Variants in OR1F1 observed in about 807,000 individuals in gnomAD.
The protein encoded by OR1F1 is olfactory receptor 1F1.
For missense variants in OR1F1, 493 were observed against 376.3 expected (o/e 1.31, Z -2.57); for synonymous variants, 184 against 156.7 (o/e 1.17, Z -1.30).
At chr16:3,204,658 C>T (rs767000267) in exon 1 of OR1F1, 2 of 1,614,154 alleles carry the variant, frequency 1.2e-6, no homozygotes, top group Non-Finnish European at 1.7e-6. Context: ...AAAGATGACC[C>T]ATCAGCTCTG....
chr16:3,196,185 T>A, the OR1F1 span, among the ~76,000 whole-genome samples: 16 of 152,316 alleles, frequency 1.1e-4, no homozygotes, highest in African/African-American at 3.6e-4. Flanking sequence ...AGCACAAGAC[T>A]CTTAATCTCA....
the OR1F1 span, among the ~76,000 whole-genome samples, chr16:3,192,246 TG>T: frequency 6.6e-6 from 1 of 152,092 alleles, no homozygotes; most frequent in Admixed American, 6.5e-5. Flanking sequence ...TTAGTAGAGA[TG>T]GGGTTTCACC....
At chr16:3,198,157 G>T in the OR1F1 span, among the ~76,000 whole-genome samples, 3,858 of 146,310 alleles carry the variant, frequency 0.026, 115 homozygotes, top group East Asian at 0.12. Context: ...GGGAGAGAGA[G>T]GGAGAGAGAG....
At chr16:3,196,343 A>G in the OR1F1 span, among the ~76,000 whole-genome samples, 1 of 152,200 alleles carries the variant, frequency 6.6e-6, no homozygotes, top group Admixed American at 6.5e-5. Context: ...AGCAAGACTT[A>G]GGAGATGCTA....
the OR1F1 span, among the ~76,000 whole-genome samples, chr16:3,191,979 C>T: frequency 4.5e-3 from 678 of 152,298 alleles, 4 homozygotes; most frequent in Non-Finnish European, 7.0e-3. Flanking sequence ...AGTAAAGGGC[C>T]TGCTGCTGTG....
chr16:3,203,185 G>A (rs1475249389), upstream of OR1F1, among the ~76,000 whole-genome samples: 1 of 152,226 alleles, frequency 6.6e-6, no homozygotes, highest in Non-Finnish European at 1.5e-5. Context: ...CCAAGGAGGG[G>A]AAGGGACAAT....
At chr16:3,190,006 G>T in the OR1F1 span, among the ~76,000 whole-genome samples, 8 of 152,154 alleles carry the variant, frequency 5.3e-5, no homozygotes, top group Non-Finnish European at 1.2e-4. Context: ...AGGCACCGAA[G>T]AAGAGACAAG....
the OR1F1 span, among the ~76,000 whole-genome samples, chr16:3,196,636 C>T: frequency 4.6e-5 from 7 of 151,398 alleles, no homozygotes; most frequent in African/African-American, 9.7e-5. Flanking sequence ...GATCCCCCTG[C>T]GTTGGCCTCC....
chr16:3,199,234 T>C, the OR1F1 span, among the ~76,000 whole-genome samples: 2 of 150,602 alleles, frequency 1.3e-5, no homozygotes, highest in African/African-American at 4.9e-5. Flanking sequence ...GCCTGGAAGG[T>C]TGAGACTTCA....
In OR1F1 at chr16:3,204,293, G is replaced by C. The variant is rs142486394; in HGVS notation, c.47G>C (p.Gly16Ala). ...AGTGTCTCCGAGTTCCTCCTCCTGGGACTCTCCAGGCAGCCCCAGCAGCAG... is the reference window on the plus strand; with the variant it reads ...AGTGTCTCCGAGTTCCTCCTCCTGGCACTCTCCAGGCAGCCCCAGCAGCAG... The change falls in exon 1 of 1, where the codon GGA (glycine) becomes GCA (alanine). Residue 16 changes from glycine to alanine, a missense_variant. Coordinates refer to ENST00000304646, the Ensembl canonical transcript of OR1F1. The C allele has an allele frequency of 5.9e-4, 944 of 1,613,620 alleles. 14 individuals are homozygous for C. In the South Asian group the frequency reaches 9.8e-3, roughly 17 times the overall value.
At chr16:3,202,676 A>G (rs1388504143), upstream of OR1F1, among the ~76,000 whole-genome samples, 1 of 126,712 alleles carries the variant, frequency 7.9e-6, no homozygotes, top group East Asian at 2.0e-4. Context: ...TAATAATAAT[A>G]ATAATAATAA....
chr16:3,193,265 C>T, the OR1F1 span, among the ~76,000 whole-genome samples: 1 of 152,324 alleles, frequency 6.6e-6, no homozygotes, highest in East Asian at 1.9e-4. Flanking sequence ...CCCAGGAGGA[C>T]CTGACCTTTA....
chr16:3,202,368 A>G (rs773373787), upstream of OR1F1, among the ~76,000 whole-genome samples: 8 of 152,154 alleles, frequency 5.3e-5, no homozygotes, highest in Non-Finnish European at 1.2e-4. Flanking sequence ...GGCCTGAAAC[A>G]CAAAGGCTTT....
At chr16:3,201,515 C>T (rs765749662), upstream of OR1F1, among the ~76,000 whole-genome samples, 31 of 152,160 alleles carry the variant, frequency 2.0e-4, no homozygotes, top group Non-Finnish European at 3.5e-4. Flanking sequence ...TTGCCAAATA[C>T]GTGGAGGAAA....
At chr16:3,203,133 A>G (rs224176), upstream of OR1F1, among the ~76,000 whole-genome samples, 10,091 of 152,260 alleles carry the variant, frequency 0.066, 457 homozygotes, top group Non-Finnish European at 0.096. Context: ...GGCAGGAATT[A>G]TGTATGACAA....
the OR1F1 span, among the ~76,000 whole-genome samples, chr16:3,188,813 G>C: frequency 6.6e-6 from 1 of 152,364 alleles, no homozygotes; most frequent in South Asian, 2.1e-4. Context: ...CCCCGGAACC[G>C]ATGCCCGACG....
downstream of OR1F1, chr16:3,205,247 T>C (rs1224338163): frequency 2.5e-6 from 3 of 1,181,942 alleles, no homozygotes; most frequent in South Asian, 1.4e-5. Context: ...TTGAGTTTAA[T>C]GCAGTAGTTG....
At chr16:3,200,369 G>T (rs1958123123), upstream of OR1F1, among the ~76,000 whole-genome samples, 1 of 152,212 alleles carries the variant, frequency 6.6e-6, no homozygotes, top group Non-Finnish European at 1.5e-5. Flanking sequence ...CACTTTCGGA[G>T]GCCGAGAGGG....
chr16:3,195,413 G>A, the OR1F1 span, among the ~76,000 whole-genome samples: 1 of 151,640 alleles, frequency 6.6e-6, no homozygotes. Context: ...AGTGAGAAAG[G>A]AAACAGGGCC....
Sources: allele counts gnomAD v4.1 joint callset (sites outside exome capture counted in the v4.1 genomes callset), GRCh38; gene constraint gnomAD v4.1.1; transcripts MANE v1.5; gene names NCBI Gene and HGNC (gene_info 2026-07-23, HGNC 2026-07-21).